FRMD4A: variants seen among roughly 807,000 people sequenced by gnomAD.
FRMD4A encodes the protein FERM domain-containing protein 4A.
FRMD4A carries 29 observed loss-of-function variants against 129.1 expected under a neutral mutation model. That is an observed-to-expected ratio of 0.22 (90% CI 0.17 to 0.31). FRMD4A has a LOEUF of 0.31. FRMD4A is among the 10% of genes least tolerant of loss of function. The pLI is 1.00. For missense variants in FRMD4A, 1,272 were observed against 1,375.8 expected, an observed-to-expected ratio of 0.92 and a Z score of 1.19; for synonymous variants, 634 against 571.6, an observed-to-expected ratio of 1.11 and a Z score of -1.56.
rs186987193 is a variant in FRMD4A at position 14,138,274 on chromosome 10, T to G, written c.45+191784A>C. Reference sequence around the variant, plus strand: ...CCTTTGCTCTCAAGGACTCACAATATGGCAGGCAGGAGGAAGCAGCTGAGT... The same window carrying G: ...CCTTTGCTCTCAAGGACTCACAATAGGGCAGGCAGGAGGAAGCAGCTGAGT... On this transcript the variant is annotated intron_variant, in intron 2 of 24. Coordinates refer to ENST00000357447, the MANE Select transcript of FRMD4A (RefSeq NM_018027.5). Among the ~76,000 whole-genome samples the G allele has an allele frequency of 9.5e-4, 144 of 152,348 alleles. 1 individual carries two copies. The highest frequency in any genetic ancestry group is 3.3e-3 in the African/African-American group (137 of 41,580).
intron 9 of FRMD4A, among the ~76,000 whole-genome samples, chr10:13,744,931 T>TA (rs1444306663): frequency 1.3e-5 from 2 of 152,212 alleles, no homozygotes; most frequent in Admixed American, 6.5e-5. Flanking sequence ...CTTTGCTTTT[T>TA]AAAAATCTAT....
At position 13,660,469 on chromosome 10, in the gene FRMD4A, G is replaced by A. The variant is rs779879054; in HGVS notation, c.1745C>T (p.Pro582Leu). 2 of 1,614,102 alleles carry A rather than the reference G, an allele frequency of 1.2e-6. No individual in the cohort carries two copies. The highest frequency in any genetic ancestry group is 8.5e-7 in the Non-Finnish European group (1 of 1,179,952). ...TCCCTCCAGGGACTGGGGAGGAGGA[G>A]GCCTGTTGTGCGACGGTGGCCGAGG... ...LPPRPPSHNR[P>L]PPPQSLEGLR... is the part of the protein sequence containing the mutation. The change falls in exon 20 of 25, where the codon CCT becomes CTT. Residue 582 changes from proline to leucine, a missense_variant. By Grantham distance (98) the Pro-to-Leu change is moderately conservative (BLOSUM62 -3). Transcript: ENST00000357447.
intron 2 of FRMD4A, among the ~76,000 whole-genome samples, chr10:14,305,797 T>TA (rs1330322484): frequency 2.6e-5 from 4 of 152,202 alleles, no homozygotes; most frequent in African/African-American, 9.6e-5. Flanking sequence ...TATGCTGCCA[T>TA]AAAAAAGAAA....
intron 14 of FRMD4A, among the ~76,000 whole-genome samples, chr10:13,700,273 C>CCT (rs1050244812): frequency 9.0e-6 from 1 of 111,272 alleles, no homozygotes; most frequent in Non-Finnish European, 2.0e-5. Context: ...TCTCTTATCA[C>CCT]CTCCCCCTTG....
chr10:13,836,047 G>C (rs1316939029), intron 3 of FRMD4A, among the ~76,000 whole-genome samples: 1 of 152,092 alleles, frequency 6.6e-6, no homozygotes, highest in Non-Finnish European at 1.5e-5. Flanking sequence ...GCCCAGGCTG[G>C]AGTGCAGTGG....
intron 2 of FRMD4A, among the ~76,000 whole-genome samples, chr10:14,204,695 C>G (rs528642681): frequency 5.8e-4 from 89 of 152,222 alleles, no homozygotes; most frequent in African/African-American, 2.1e-3. Flanking sequence ...ACTTATTTCT[C>G]TAGGTGGGCA....
chr10:13,695,380 A>G (rs763945014), intron 14 of FRMD4A, among the ~76,000 whole-genome samples: 2 of 152,134 alleles, frequency 1.3e-5, no homozygotes, highest in Non-Finnish European at 2.9e-5. Flanking sequence ...ACCTCAGGTG[A>G]TCCGCCCGCT....
chr10:14,242,865 C>G (rs969852260), intron 2 of FRMD4A, among the ~76,000 whole-genome samples: 17 of 152,130 alleles, frequency 1.1e-4, no homozygotes, highest in African/African-American at 4.1e-4. Context: ...ACAGTATGAT[C>G]CCACAATTCC....
In FRMD4A at chr10:13,681,782, C is replaced by G. The variant is rs530334462; in HGVS notation, c.1118-6738G>C. Among the ~76,000 whole-genome samples, 13 of 152,206 alleles carry G rather than the reference C, an allele frequency of 8.5e-5. No homozygotes were observed. The South Asian group carries it at 2.7e-3, about 32-fold the overall frequency. ...GACTTGGGAAGGTTGTGTAACCTCT[C>G]GAAGTCTGTTTCCTCCCCTGTAAAA... On this transcript the variant is annotated intron_variant, in intron 15 of 24. Coordinates refer to ENST00000357447, the MANE Select transcript of FRMD4A (RefSeq NM_018027.5).
intron 2 of FRMD4A, among the ~76,000 whole-genome samples, chr10:14,151,033 G>T (rs1840313569): frequency 6.6e-6 from 1 of 152,164 alleles, no homozygotes. Context: ...TAAGATTGAG[G>T]TTATTAAAAT....
At chr10:13,873,062 G>A (rs1380672404) in intron 2 of FRMD4A, among the ~76,000 whole-genome samples, 1 of 151,848 alleles carries the variant, frequency 6.6e-6, no homozygotes, top group Non-Finnish European at 1.5e-5. Context: ...TATAGTCCTA[G>A]CTACTTGGGA....
chr10:13,708,733 G>C (rs1467737122), intron 12 of FRMD4A, among the ~76,000 whole-genome samples: 2 of 152,196 alleles, frequency 1.3e-5, no homozygotes, highest in Non-Finnish European at 2.9e-5. Context: ...TCATGGTCCT[G>C]TCTGATGCTT....
intron 4 of FRMD4A, among the ~76,000 whole-genome samples, chr10:13,799,800 G>A (rs1039677073): frequency 6.6e-6 from 1 of 151,930 alleles, no homozygotes; most frequent in Non-Finnish European, 1.5e-5. Flanking sequence ...CTAAGTCTGG[G>A]GTTTCTTTCA....
chr10:14,208,159 G>A (rs1290789024), intron 2 of FRMD4A, among the ~76,000 whole-genome samples: 1 of 152,088 alleles, frequency 6.6e-6, no homozygotes, highest in African/African-American at 2.4e-5. Context: ...TCACACTACT[G>A]GCCTCCAGCC....
chr10:14,045,103 A>C (rs1276365376), intron 2 of FRMD4A, among the ~76,000 whole-genome samples: 1 of 152,078 alleles, frequency 6.6e-6, no homozygotes, highest in African/African-American at 2.4e-5. Flanking sequence ...GGGCCTATCT[A>C]TGTTGCCCTG....
chr10:13,802,610 C>T (rs1414970554), intron 4 of FRMD4A, among the ~76,000 whole-genome samples: 3 of 151,510 alleles, frequency 2.0e-5, no homozygotes, highest in Non-Finnish European at 2.9e-5. Flanking sequence ...TACCATTGCA[C>T]TTGGGTAATT....
chr10:13,744,071 C>A (rs2091159451), intron 9 of FRMD4A, among the ~76,000 whole-genome samples: 1 of 152,034 alleles, frequency 6.6e-6, no homozygotes, highest in Non-Finnish European at 1.5e-5. Context: ...TCTCAGCAGA[C>A]AAGGGGATAC....
At chr10:14,225,359 C>T (rs1391777769) in intron 2 of FRMD4A, among the ~76,000 whole-genome samples, 1 of 152,184 alleles carries the variant, frequency 6.6e-6, no homozygotes, top group Admixed American at 6.5e-5. Context: ...AGCAGAGAGA[C>T]ACCAAACTGC....
intron 12 of FRMD4A, among the ~76,000 whole-genome samples, chr10:13,732,746 C>T (rs1407865194): frequency 6.6e-6 from 1 of 152,222 alleles, no homozygotes; most frequent in African/African-American, 2.4e-5. Context: ...GTGGCATCCC[C>T]TGGAGTGCCA....
Sources: gnomAD v4.1 joint callset for allele counts (sites outside exome capture counted in the v4.1 genomes callset) on GRCh38, gnomAD v4.1.1 for gene constraint, MANE v1.5 for transcripts, NCBI Gene and HGNC (gene_info 2026-07-23, HGNC 2026-07-21) for gene names.